IL1RAPL1: variants seen among roughly 807,000 people sequenced by gnomAD.
The protein encoded by IL1RAPL1 is interleukin-1 receptor accessory protein-like 1.
Under a neutral mutation model 48.4 loss-of-function variants are expected in IL1RAPL1, and 3 were observed. That is an observed-to-expected ratio of 0.06 (90% confidence interval 0.03 to 0.16). The LOEUF (loss-of-function observed/expected upper bound fraction) is 0.16. Among genes scored for constraint, IL1RAPL1 ranks in the 10% least tolerant of loss-of-function variants. The pLI is 1.00. For missense variants in IL1RAPL1, 349 were observed against 530.6 expected (o/e 0.66, Z 3.36); for synonymous variants, 185 against 187.7 (o/e 0.99, Z 0.12).
chrX:29,916,353 G>A (rs1479902944), intron 6 of IL1RAPL1, among the ~76,000 whole-genome samples: 1 of 112,052 alleles, frequency 8.9e-6, no homozygotes, highest in African/African-American at 3.2e-5. Context: ...AACAACAGGT[G>A]CTGGAGAGGA....
At chrX:29,643,102 A>G (rs1925215460) in intron 5 of IL1RAPL1, among the ~76,000 whole-genome samples, 1 of 112,282 alleles carries the variant, frequency 8.9e-6, no homozygotes, top group Non-Finnish European at 1.9e-5. Flanking sequence ...TGTGGCTAAC[A>G]TTGTTGGATA....
At chrX:29,260,423 G>A (rs1249649576) in intron 2 of IL1RAPL1, among the ~76,000 whole-genome samples, 2 of 112,079 alleles carry the variant, frequency 1.8e-5, no homozygotes, top group Admixed American at 9.5e-5. Context: ...GCAAAGTCAT[G>A]TCTTACATGG....
intron 2 of IL1RAPL1, among the ~76,000 whole-genome samples, chrX:28,860,709 C>A (rs374473533): frequency 1.7e-4 from 19 of 110,621 alleles, no homozygotes; most frequent in Admixed American, 2.9e-4. Context: ...TCCGCCCCCC[C>A]GCTTAGCCTC....
rs771642737 is a variant in IL1RAPL1, at chrX:28,636,076, A to G, written c.-25+48029A>G. Among the ~76,000 whole-genome samples, 3 of 111,713 alleles carry G rather than the reference A, an allele frequency of 2.7e-5. No homozygotes were observed. The South Asian group carries it at 1.1e-3, about 42-fold the overall frequency. The stretch of plus-strand genomic sequence containing the variant: ...TTTCCATATCTCCAAAAGCATCAGC[A>G]TAGCCATTCTTACCCACAAAGCACT... On this transcript the variant is annotated intron_variant, in intron 1 of 10. Coordinates refer to ENST00000378993, the MANE Select transcript of IL1RAPL1 (RefSeq NM_014271.4).
chrX:29,391,051 G>A (rs1933847038), intron 3 of IL1RAPL1, among the ~76,000 whole-genome samples: 1 of 110,450 alleles, frequency 9.1e-6, no homozygotes, highest in African/African-American at 3.3e-5. Flanking sequence ...GCATGTGCCT[G>A]TAATCTCAGC....
At chrX:28,749,392 A>G (rs1479433009) in intron 1 of IL1RAPL1, among the ~76,000 whole-genome samples, 1 of 111,438 alleles carries the variant, frequency 9.0e-6, no homozygotes, top group East Asian at 2.8e-4. Context: ...ATTTTGTAAA[A>G]GCTCCCTTTT....
intron 2 of IL1RAPL1, among the ~76,000 whole-genome samples, chrX:29,175,517 G>A (rs776550430): frequency 9.0e-6 from 1 of 110,867 alleles, no homozygotes; most frequent in African/African-American, 3.3e-5. Flanking sequence ...AATGAGAATT[G>A]CGAGGATTTA....
chrX:28,849,544 T>C (rs1921603943), intron 2 of IL1RAPL1, among the ~76,000 whole-genome samples: 1 of 112,197 alleles, frequency 8.9e-6, no homozygotes, highest in African/African-American at 3.2e-5. Flanking sequence ...TAAAGTGACA[T>C]TTAAAAAGCA....
At chrX:28,795,741 GTATA>G (rs910185544) in intron 2 of IL1RAPL1, among the ~76,000 whole-genome samples, 8 of 110,530 alleles carry the variant, frequency 7.2e-5, no homozygotes, top group African/African-American at 2.0e-4. Context: ...AGTATCATAA[GTATA>G]TAAGTGTGGT....
At chrX:29,047,490 T>C (rs761390248) in intron 2 of IL1RAPL1, among the ~76,000 whole-genome samples, 3 of 112,469 alleles carry the variant, frequency 2.7e-5, no homozygotes, top group African/African-American at 9.7e-5. Context: ...TGTGGATCTG[T>C]TAAGATAAAC....
intron 5 of IL1RAPL1, among the ~76,000 whole-genome samples, chrX:29,610,719 G>T (rs779375019): frequency 8.9e-6 from 1 of 112,518 alleles, no homozygotes; most frequent in Admixed American, 9.4e-5. Context: ...GTTAGTTTGC[G>T]CAATTGCTGC....
At chrX:29,722,411 TC>T (rs1318859431) in intron 6 of IL1RAPL1, among the ~76,000 whole-genome samples, 1 of 112,367 alleles carries the variant, frequency 8.9e-6, no homozygotes, top group African/African-American at 3.2e-5. Flanking sequence ...CTACATTTTC[TC>T]CCAGTGCTCT....
intron 5 of IL1RAPL1, among the ~76,000 whole-genome samples, chrX:29,638,730 T>C (rs1428738963): frequency 8.9e-6 from 1 of 112,140 alleles, no homozygotes; most frequent in African/African-American, 3.2e-5. Flanking sequence ...TTATCTTTTA[T>C]CAAAAGAACT....
At chrX:28,899,939 G>C (rs1027334029) in intron 2 of IL1RAPL1, among the ~76,000 whole-genome samples, 1 of 112,311 alleles carries the variant, frequency 8.9e-6, no homozygotes, top group Non-Finnish European at 1.9e-5. Flanking sequence ...TAAAGGCATG[G>C]TAATTAGCAG....
At chrX:29,903,505 G>A (rs1431924679) in intron 6 of IL1RAPL1, among the ~76,000 whole-genome samples, 3 of 110,778 alleles carry the variant, frequency 2.7e-5, no homozygotes, top group African/African-American at 9.8e-5. Flanking sequence ...TTTAATTAGA[G>A]GAGAATTTTC....
chrX:29,698,175 T>G (rs1240398058), intron 6 of IL1RAPL1, among the ~76,000 whole-genome samples: 1 of 106,464 alleles, frequency 9.4e-6, no homozygotes, highest in Non-Finnish European at 1.9e-5. Context: ...AATGTTCTTT[T>G]TTTTTTTTTT....
At chrX:29,948,510 G>A (rs1443653302) in intron 9 of IL1RAPL1, among the ~76,000 whole-genome samples, 6 of 111,547 alleles carry the variant, frequency 5.4e-5, no homozygotes, top group Non-Finnish European at 1.1e-4. Flanking sequence ...TATGATCTCT[G>A]AAGATAATTT....
chrX:29,021,963 A>G (rs1406911217), intron 2 of IL1RAPL1, among the ~76,000 whole-genome samples: 1 of 111,841 alleles, frequency 8.9e-6, no homozygotes, highest in Non-Finnish European at 1.9e-5. Flanking sequence ...ATCTATTAAT[A>G]TTTTATACAT....
At chrX:29,276,603 C>G (rs188909330) in intron 2 of IL1RAPL1, among the ~76,000 whole-genome samples, 1 of 112,220 alleles carries the variant, frequency 8.9e-6, no homozygotes, top group East Asian at 2.8e-4. Flanking sequence ...ATTCAACACA[C>G]ATTTATTGAT....
Sources: allele counts gnomAD v4.1 joint callset (sites outside exome capture counted in the v4.1 genomes callset), GRCh38; gene constraint gnomAD v4.1.1; transcripts MANE v1.5; gene names NCBI Gene and HGNC (gene_info 2026-07-23, HGNC 2026-07-21).